Variants in ELF2 observed in about 807,000 individuals in gnomAD.
ELF2 encodes the protein ETS-related transcription factor Elf-2.
In ELF2, 11 loss-of-function variants were observed where a neutral mutation model predicts 54.8. The ratio of observed to expected loss-of-function variants is 0.20; its 90% CI spans 0.13 to 0.33. The LOEUF (loss-of-function observed/expected upper bound fraction) is 0.33. ELF2 is among the 10% of genes least tolerant of loss of function. The probability of loss-of-function intolerance (pLI) is 1.00; values close to 1 mark genes in which losing one functional copy is unlikely to be tolerated. For synonymous variants in ELF2, 203 were observed against 245.1 expected (o/e 0.83, Z 1.61); for missense variants, 513 against 703.0 (o/e 0.73, Z 3.06).
intron 1 of ELF2, among the ~76,000 whole-genome samples, chr4:139,167,033 T>C (rs1055482759): frequency 2.6e-5 from 4 of 152,212 alleles, no homozygotes; most frequent in African/African-American, 9.6e-5. Flanking sequence ...AATACTTATC[T>C]CAACAAAAGT....
At chr4:139,176,171 C>G (rs940217016) in intron 1 of ELF2, among the ~76,000 whole-genome samples, 4 of 152,170 alleles carry the variant, frequency 2.6e-5, no homozygotes, top group Non-Finnish European at 5.9e-5. Context: ...GGTCACTGGA[C>G]GTGCCTGTTA....
At chr4:139,147,490 A>T (rs1739342943) in intron 1 of ELF2, among the ~76,000 whole-genome samples, 2 of 151,972 alleles carry the variant, frequency 1.3e-5, no homozygotes, top group African/African-American at 4.8e-5. Flanking sequence ...TTTTTTTGTT[A>T]AGACAGTGTC....
In ELF2 at chr4:139,143,141, G is replaced by T. The variant is rs147007381; in HGVS notation, c.-251-3644C>A. Among the ~76,000 whole-genome samples, 13 of 152,214 alleles carry T rather than the reference G, an allele frequency of 8.5e-5. No homozygotes were observed. The East Asian group carries it at 2.5e-3, about 29-fold the overall frequency. On this transcript the variant is annotated intron_variant, in intron 1 of 9. Coordinates refer to ENST00000686138, the MANE Select transcript of ELF2 (RefSeq NM_001331036.3). ...AGGGAAGGCTTGAACAATAAACTGT[G>T]GTTAATTTCGGTCATTCTAGCTCTC... is the stretch of plus-strand genomic sequence containing the variant.
At chr4:139,168,099 A>G (rs1037467261) in intron 1 of ELF2, among the ~76,000 whole-genome samples, 2 of 152,372 alleles carry the variant, frequency 1.3e-5, no homozygotes, top group African/African-American at 2.4e-5. Flanking sequence ...ATGCCGAATG[A>G]TAACAATGCT....
intron 4 of ELF2, among the ~76,000 whole-genome samples, chr4:139,109,051 A>G (rs11723386): frequency 0.18 from 27,932 of 152,146 alleles, 2,762 homozygotes; most frequent in South Asian, 0.33. Context: ...TCCCTGAAAA[A>G]GCCCTCATAT....
At chr4:139,073,216 T>C (rs1729769385) in intron 5 of ELF2, among the ~76,000 whole-genome samples, 1 of 152,216 alleles carries the variant, frequency 6.6e-6, no homozygotes, top group South Asian at 2.1e-4. Context: ...CAAATAGCTA[T>C]TTAATAAATA....
chr4:139,068,084 G>A (rs919302085), intron 6 of ELF2, among the ~76,000 whole-genome samples: 4 of 151,396 alleles, frequency 2.6e-5, no homozygotes, highest in African/African-American at 7.3e-5. Context: ...TGGAGTGCAC[G>A]ATCTCCGCTC....
chr4:139,072,071 C>T (rs1411882410), intron 5 of ELF2, 32 bp from the exon 6 acceptor site: 1 of 1,599,934 alleles, frequency 6.3e-7, no homozygotes, highest in East Asian at 2.2e-5. Flanking sequence ...TTAAAATTTC[C>T]CACCCCCATC....
At chr4:139,166,817 G>A (rs958872908) in intron 1 of ELF2, among the ~76,000 whole-genome samples, 11 of 152,296 alleles carry the variant, frequency 7.2e-5, no homozygotes, top group South Asian at 4.1e-4. Flanking sequence ...GCAGTGAGCC[G>A]AGATGGTGCC....
intron 4 of ELF2, among the ~76,000 whole-genome samples, chr4:139,123,981 G>A (rs1469025509): frequency 6.6e-6 from 1 of 152,116 alleles, no homozygotes; most frequent in Non-Finnish European, 1.5e-5. Flanking sequence ...ACTATATACT[G>A]TAAATCAGAT....
chr4:139,164,498 G>A (rs373973209), intron 1 of ELF2, among the ~76,000 whole-genome samples: 1 of 152,008 alleles, frequency 6.6e-6, no homozygotes, highest in East Asian at 1.9e-4. Context: ...TTAGGTGGGC[G>A]TGGTGGCATG....
At chr4:139,128,931 T>C (rs752264078) in intron 3 of ELF2, among the ~76,000 whole-genome samples, 1 of 152,002 alleles carries the variant, frequency 6.6e-6, no homozygotes, top group Non-Finnish European at 1.5e-5. Flanking sequence ...TTCTTCCAAC[T>C]TTCTCTACCA....
intron 4 of ELF2, among the ~76,000 whole-genome samples, chr4:139,088,521 C>A (rs915279135): frequency 1.3e-5 from 2 of 152,100 alleles, no homozygotes; most frequent in Non-Finnish European, 2.9e-5. Context: ...TTGTTGACTA[C>A]CCCTTTATTG....
intron 4 of ELF2, among the ~76,000 whole-genome samples, chr4:139,078,218 A>G (rs896392756): frequency 6.6e-6 from 1 of 152,218 alleles, no homozygotes; most frequent in African/African-American, 2.4e-5. Context: ...CAATGGATCT[A>G]GTTCATAAAA....
chr4:139,083,189 G>C (rs964921255), intron 4 of ELF2, among the ~76,000 whole-genome samples: 4 of 152,070 alleles, frequency 2.6e-5, no homozygotes, highest in Admixed American at 2.0e-4. Flanking sequence ...TTTGGGGGGG[G>C]GTAGAGGGGA....
intron 4 of ELF2, chr4:139,084,076 T>G (rs1415033075): frequency 1.9e-6 from 3 of 1,610,784 alleles, no homozygotes; most frequent in Admixed American, 1.7e-5. Context: ...CCCCGCCTTC[T>G]GTGCACCCCC....
chr4:139,071,852 T>A lies in ELF2; in HGVS notation c.526+14A>T. The A allele has an allele frequency of 6.3e-7, 1 of 1,575,972 alleles. No homozygotes were observed. Among genetic ancestry groups the A allele is most frequent in the East Asian group, 2.2e-5 (1 of 44,462 alleles). On this transcript the variant is annotated intron_variant, in intron 6 of 9. Transcript: ENST00000686138. ...TTTCACCTGCCTTCTCAGAAATGTA[T>A]AAATATACTCTACCTTTTTTCTTTT...
At chr4:139,138,466 T>C (rs1172806873) in intron 2 of ELF2, among the ~76,000 whole-genome samples, 13 of 152,178 alleles carry the variant, frequency 8.5e-5, no homozygotes, top group Non-Finnish European at 1.6e-4. Context: ...TGCTGTTTTA[T>C]TCCTGAAATA....
chr4:139,097,834 C>T (rs1347538092), intron 4 of ELF2, among the ~76,000 whole-genome samples: 1 of 152,050 alleles, frequency 6.6e-6, no homozygotes, highest in Non-Finnish European at 1.5e-5. Flanking sequence ...AGCTGTCACC[C>T]AGGCTGGAGT....
Sources: gnomAD v4.1 joint callset for allele counts (sites outside exome capture counted in the v4.1 genomes callset) on GRCh38, gnomAD v4.1.1 for gene constraint, MANE v1.5 for transcripts, NCBI Gene and HGNC (gene_info 2026-07-23, HGNC 2026-07-21) for gene names.